PRPF8: variants seen among roughly 807,000 people sequenced by gnomAD.
PRPF8 encodes the protein pre-mRNA-processing-splicing factor 8.
Under a neutral mutation model 285.9 loss-of-function variants are expected in PRPF8, and 64 were observed. That is an observed-to-expected ratio of 0.22 (90% CI 0.18 to 0.28). The LOEUF is 0.28. PRPF8 is among the 10% of genes least tolerant of loss of function. The pLI is 1.00. For synonymous variants in PRPF8, 1,325 were observed against 1,118.2 expected (o/e 1.18, Z -3.69); for missense variants, 1,426 against 3,026.7 (o/e 0.47, Z 12.41).
At position 1,675,098 on chromosome 17, in the gene PRPF8, TG is replaced by T; in HGVS notation, c.3060+53del. ...TCCTCCTCAGCAAATTCTGAGTCAGTGGGCCAGACAAGCACTCCACACACAA... is the reference window on the plus strand; with the variant it reads ...TCCTCCTCAGCAAATTCTGAGTCAGTGGCCAGACAAGCACTCCACACACAA... On this transcript the variant is annotated intron_variant, in intron 20 of 42. Coordinates refer to ENST00000304992, the MANE Select transcript of PRPF8 (RefSeq NM_006445.4). This position sits in a 1 kb window ranked among gnomAD's most constrained non-coding sequence, Gnocchi z 6.0. 1 of 1,605,338 alleles carries T rather than the reference TG, an allele frequency of 6.2e-7. No individual in the cohort carries two copies. Among genetic ancestry groups the T allele is most frequent in the Non-Finnish European group, 8.5e-7 (1 of 1,174,848 alleles).
At chr17:1,681,712 C>A in intron 5 of PRPF8, 22 bp from the exon 6 acceptor site, 1 of 1,612,812 alleles carries the variant, frequency 6.2e-7, no homozygotes, top group Non-Finnish European at 8.5e-7. Flanking sequence ...ATGAAAGGCC[C>A]ACCTCAAGTA....
intron 24 of PRPF8, among the ~76,000 whole-genome samples, chr17:1,663,057 C>A (rs1378612831): frequency 1.3e-5 from 2 of 152,018 alleles, no homozygotes; most frequent in Non-Finnish European, 2.9e-5. Flanking sequence ...GACAAAAATA[C>A]TACTAAGAGT....
Position 1,659,709 on chromosome 17 carries a change from C to T in PRPF8, c.4946+132G>A. The T allele has an allele frequency of 7.3e-7, 1 of 1,375,978 alleles. No homozygotes were observed. The highest frequency in any genetic ancestry group is 1.0e-6 in the Non-Finnish European group (1 of 991,876). 85.2% of individuals were successfully genotyped at this position (1,375,978 alleles called of 1,614,324 possible). ...CAGCAGATCTGACTAAGGGTGTTGACAGGCTCCAAGCGTAGCACTGGCTCC... is the reference window on the plus strand; with the variant it reads ...CAGCAGATCTGACTAAGGGTGTTGATAGGCTCCAAGCGTAGCACTGGCTCC... On this transcript the variant is annotated intron_variant, in intron 31 of 42. Coordinates refer to ENST00000304992, the MANE Select transcript of PRPF8 (RefSeq NM_006445.4). The surrounding 1 kb of genome is among the most constrained non-coding windows in gnomAD (Gnocchi z 5.1).
chr17:1,677,546 C>T lies in PRPF8; in HGVS notation c.1984+19G>A. On this transcript the variant is annotated intron_variant, in intron 14 of 42. Coordinates refer to ENST00000304992, the MANE Select transcript of PRPF8 (RefSeq NM_006445.4). The stretch of plus-strand genomic sequence containing the variant: ...TGAAGCAATAACAGGAGAAGTTGGA[C>T]ACAGAGAAAACCACTCACCTTCAAA... The T allele has an allele frequency of 1.2e-6, 2 of 1,613,916 alleles. No individual in the cohort carries two copies. The highest frequency in any genetic ancestry group is 8.5e-7 in the Non-Finnish European group (1 of 1,179,966).
rs775056143 is a variant in PRPF8 at position 1,679,074 on chromosome 17, G to A, written c.1542C>T (p.Asn514=). Residue 514 remains asparagine (N), a synonymous_variant, in exon 11 of 43, where the codon AAC becomes AAT. Transcript: ENST00000304992. The surrounding 1 kb of genome is among the most constrained non-coding windows in gnomAD (Gnocchi z 4.7). ...TGAAGTTGTAGTCCAGGTGCAGGTA[G>A]TTGAGGTTTTTGCGGTGAATGAGAA... ...LNLLIHRKNL[N]YLHLDYNFNL... 2 of 1,614,230 alleles carry A rather than the reference G, an allele frequency of 1.2e-6. No individual in the cohort carries two copies. The highest frequency in any genetic ancestry group is 1.1e-5 in the South Asian group (1 of 91,088).
chr17:1,673,003 G>T lies in PRPF8; in HGVS notation c.3774+78C>A. ...AAGAAGAGAAGGAAGCAGCCAGCAG[G>T]GGACGAAGTGAAAGGGGTGTGAAAT... On this transcript the variant is annotated intron_variant, in intron 24 of 42. Transcript: ENST00000304992. This position sits in a 1 kb window ranked among gnomAD's most constrained non-coding sequence, Gnocchi z 5.5. 1 of 1,324,112 alleles carries T rather than the reference G, an allele frequency of 7.6e-7. No homozygotes were observed. Among genetic ancestry groups the T allele is most frequent in the South Asian group, 1.2e-5 (1 of 85,346 alleles). 82.0% of individuals were successfully genotyped at this position (1,324,112 alleles called of 1,614,324 possible).
chr17:1,656,248 G>A (rs1168572818), intron 36 of PRPF8, 144 bp downstream of exon 36: 5 of 1,093,842 alleles, frequency 4.6e-6, no homozygotes, highest in African/African-American at 3.1e-5. Context: ...TAACTTTAAG[G>A]TCTTAAACTC....
chr17:1,650,964 G>T lies in PRPF8; in HGVS notation c.6854-8C>A. 1 of 1,614,200 alleles carries T rather than the reference G, an allele frequency of 6.2e-7. No individual in the cohort carries two copies. The highest frequency in any genetic ancestry group is 8.5e-7 in the Non-Finnish European group (1 of 1,180,038). On this transcript the variant is annotated splice_region_variant and splice_polypyrimidine_tract_variant and intron_variant, in intron 42 of 42. Coordinates refer to ENST00000304992, the MANE Select transcript of PRPF8 (RefSeq NM_006445.4). ...TGGGGTCATGCCGAACACCTTCGGGGAGAAGGAAACAGCCAATGTTAACAG... is the reference window on the plus strand; with the variant it reads ...TGGGGTCATGCCGAACACCTTCGGGTAGAAGGAAACAGCCAATGTTAACAG...
chr17:1,659,692 C>G lies in PRPF8; in HGVS notation c.4947-144G>C. 7.4e-7 allele frequency: 1 copy of G among 1,358,192 alleles called. No homozygotes were observed. The highest frequency in any genetic ancestry group is 1.0e-6 in the Non-Finnish European group (1 of 974,128). The allele number at this position is 1,358,192 out of a possible 1,614,324, so 84.1% of individuals were successfully genotyped here. On this transcript the variant is annotated intron_variant, in intron 31 of 42. Coordinates refer to ENST00000304992, the MANE Select transcript of PRPF8 (RefSeq NM_006445.4). This position sits in a 1 kb window ranked among gnomAD's most constrained non-coding sequence, Gnocchi z 5.1. Reference sequence around the variant, plus strand: ...GCAGGACCCCAGAGAATCAGCAGATCTGACTAAGGGTGTTGACAGGCTCCA... The same window carrying G: ...GCAGGACCCCAGAGAATCAGCAGATGTGACTAAGGGTGTTGACAGGCTCCA...
In PRPF8 at chr17:1,679,564, C is replaced by G. The variant is rs1396247043; in HGVS notation, c.1289+45G>C. 1.2e-6 allele frequency: 2 copies of G among 1,609,918 alleles called. No individual in the cohort carries two copies. Among genetic ancestry groups the G allele is most frequent in the Non-Finnish European group, 1.7e-6 (2 of 1,178,720 alleles). On this transcript the variant is annotated intron_variant, in intron 9 of 42. Transcript: ENST00000304992. This position sits in a 1 kb window ranked among gnomAD's most constrained non-coding sequence, Gnocchi z 4.7. Reference sequence around the variant, plus strand: ...GCCCACCTAGTTGGAGTCTTTTCTCCTACACATCCACTATCATTCCCCCTG... The same window carrying G: ...GCCCACCTAGTTGGAGTCTTTTCTCGTACACATCCACTATCATTCCCCCTG...
intron 24 of PRPF8, among the ~76,000 whole-genome samples, chr17:1,664,802 CTCA>C (rs1216064101): frequency 1.3e-5 from 2 of 151,968 alleles, no homozygotes; most frequent in Non-Finnish European, 2.9e-5. Flanking sequence ...GAAATATGAA[CTCA>C]TAAGGGAAAT....
rs764737100 is a variant in PRPF8, at chr17:1,682,308, A to G, written c.270-15T>C. The stretch of plus-strand genomic sequence containing the variant: ...ACTTTAGGGCACTGGCACATTAGAA[A>G]AAGAGAAGGCTATCAGAAATGACGA... On this transcript the variant is annotated splice_polypyrimidine_tract_variant and intron_variant, in intron 3 of 42. Coordinates refer to ENST00000304992, the MANE Select transcript of PRPF8 (RefSeq NM_006445.4). 1.9e-6 allele frequency: 3 copies of G among 1,613,578 alleles called. No homozygotes were observed. The Admixed American group carries it at 5.0e-5, about 27-fold the overall frequency.
chr17:1,677,822 G>T, intron 13 of PRPF8, 128 bp from the exon 14 acceptor site: 2 of 1,249,756 alleles, frequency 1.6e-6, no homozygotes, highest in Non-Finnish European at 2.2e-6. Flanking sequence ...GCAGTAGAGG[G>T]GTAAAAAGAA....
At chr17:1,666,438 C>G (rs1911989364) in intron 24 of PRPF8, among the ~76,000 whole-genome samples, 1 of 151,654 alleles carries the variant, frequency 6.6e-6, no homozygotes, top group South Asian at 2.1e-4. Flanking sequence ...GTGGTCCCAG[C>G]TACTTGGGAG....
At chr17:1,655,018 G>A (rs1911287078) in intron 37 of PRPF8, 5 of 327,714 alleles carry the variant, frequency 1.5e-5, no homozygotes, top group South Asian at 9.0e-5. Context: ...GAGTGCAGTG[G>A]CATGATCTCG....
At chr17:1,668,516 C>A (rs377416435) in intron 24 of PRPF8, among the ~76,000 whole-genome samples, 3 of 151,832 alleles carry the variant, frequency 2.0e-5, no homozygotes, top group Non-Finnish European at 2.9e-5. Flanking sequence ...GCGCCCGCCA[C>A]GACATCCAGC....
rs756317920 is a variant in PRPF8, at chr17:1,651,568, G to C, written c.6511-15C>G. The C allele has an allele frequency of 5.0e-6, 8 of 1,613,988 alleles. No individual in the cohort carries two copies. The African/African-American group carries it at 1.1e-4, about 22-fold the overall frequency. On this transcript the variant is annotated splice_polypyrimidine_tract_variant and intron_variant, in intron 40 of 42. Transcript: ENST00000304992. This position sits in a 1 kb window ranked among gnomAD's most constrained non-coding sequence, Gnocchi z 5.1. ...GGTTCCATCTCCTATAGGTAAAGAG[G>C]AGTACAGAGCTGAATCCCATCCACA...
Position 1,683,633 on chromosome 17 carries a change from G to T in PRPF8, c.169C>A (p.Gln57Lys), listed in dbSNP as rs1331221243. The T allele has an allele frequency of 6.2e-7, 1 of 1,614,100 alleles. No homozygotes were observed. Among genetic ancestry groups the T allele is most frequent in the Non-Finnish European group, 8.5e-7 (1 of 1,180,028 alleles). ...EKRKFGFVDA[Q>K]KEDMPPEHVR... Reference sequence around the variant, plus strand: ...TGTTCTGGGGGCATGTCTTCCTTCTGGGCATCCACAAACCCAAACTTCCGC... The same window carrying T: ...TGTTCTGGGGGCATGTCTTCCTTCTTGGCATCCACAAACCCAAACTTCCGC... The change falls in exon 3 of 43, where the codon CAG becomes AAG. Residue 57 changes from glutamine (Q) to lysine (K), a missense_variant. Transcript: ENST00000304992.
intron 3 of PRPF8, chr17:1,682,926 C>G (rs1319882567): frequency 2.2e-5 from 4 of 178,744 alleles, no homozygotes; most frequent in African/African-American, 9.6e-5. Flanking sequence ...TGAGGAGCGA[C>G]AGGCTGCCAC....
Sources: allele counts gnomAD v4.1 joint callset (sites outside exome capture counted in the v4.1 genomes callset), GRCh38; gene constraint gnomAD v4.1.1; non-coding constraint Gnocchi (gnomAD v3.1); transcripts MANE v1.5; gene names NCBI Gene and HGNC (gene_info 2026-07-23, HGNC 2026-07-21).